MAN1B1: variants seen among roughly 807,000 people sequenced by gnomAD.
The protein encoded by MAN1B1 is mannosidase alpha class 1B member 1, also known as endoplasmic reticulum mannosyl-oligosaccharide 1,2-alpha-mannosidase.
MAN1B1 carries 66 observed loss-of-function variants against 75.5 expected under a neutral mutation model. That is an observed-to-expected ratio of 0.87 (90% CI 0.72 to 1.07). MAN1B1 has a LOEUF of 1.07. Among genes scored for constraint, MAN1B1 ranks in the 50% least tolerant of loss-of-function variants. MAN1B1 has a pLI of 0.00. For synonymous variants in MAN1B1, 453 were observed against 382.8 expected, an observed-to-expected ratio of 1.18 and a Z score of -2.14; for missense variants, 973 against 912.5, an observed-to-expected ratio of 1.07 and a Z score of -0.85.
chr9:137,100,199 G>A (rs1039865680), intron 6 of MAN1B1, among the ~76,000 whole-genome samples: 2 of 152,228 alleles, frequency 1.3e-5, no homozygotes, highest in African/African-American at 4.8e-5. Flanking sequence ...GTGGGGCCCC[G>A]CTGGTCCCAG....
chr9:137,101,270 G>T, intron 7 of MAN1B1, 117 bp downstream of exon 7: 1 of 1,375,710 alleles, frequency 7.3e-7, no homozygotes, highest in African/African-American at 1.4e-5. Context: ...ATGCACTGGA[G>T]TCTGTTTCTG....
At chr9:137,104,393 C>G (rs902414017) in intron 8 of MAN1B1, 75 of 292,844 alleles carry the variant, frequency 2.6e-4, no homozygotes, top group Non-Finnish European at 2.7e-5. Context: ...TGCCACCACG[C>G]CCAGCTAATT....
At chr9:137,098,336 G>A (rs1672242845) in intron 5 of MAN1B1, among the ~76,000 whole-genome samples, 1 of 152,228 alleles carries the variant, frequency 6.6e-6, no homozygotes, top group South Asian at 2.1e-4. Flanking sequence ...CTCAGTGCAT[G>A]ACCTGAGGCC....
intron 3 of MAN1B1, chr9:137,089,314 G>T (rs1830460780): frequency 2.3e-6 from 1 of 428,546 alleles, no homozygotes; most frequent in Non-Finnish European, 4.4e-6. Flanking sequence ...GCACAGATGG[G>T]CAGAGGCAGA....
intron 3 of MAN1B1, among the ~76,000 whole-genome samples, chr9:137,092,223 C>G (rs989000959): frequency 4.0e-5 from 6 of 151,766 alleles, no homozygotes; most frequent in African/African-American, 1.2e-4. Context: ...ATTAGCCAGG[C>G]ACGACATGCC....
chr9:137,096,186 G>C, intron 3 of MAN1B1, 51 bp from the exon 4 acceptor site: 1 of 1,606,960 alleles, frequency 6.2e-7, no homozygotes, highest in Non-Finnish European at 8.5e-7. Flanking sequence ...AGGGAAAGAA[G>C]GGCAGCTCGC....
Position 137,106,685 on chromosome 9 carries a change from A to G in MAN1B1, c.1446-4A>G, listed in dbSNP as rs371453753. On this transcript the variant is annotated splice_polypyrimidine_tract_variant and splice_region_variant and intron_variant, in intron 9 of 12. Coordinates refer to ENST00000371589, the MANE Select transcript of MAN1B1 (RefSeq NM_016219.5). ...TAGAGTGAGATGACTGCTGGTGTCC[A>G]CAGGCTGCTGGAAGACTACGTGGAA... is the stretch of plus-strand genomic sequence containing the variant. 1.2e-6 allele frequency: 2 copies of G among 1,613,370 alleles called. No homozygotes were observed. Among genetic ancestry groups the G allele is most frequent in the East Asian group, 4.5e-5 (2 of 44,872 alleles).
chr9:137,102,927 T>G (rs953173751), intron 8 of MAN1B1: 6 of 419,658 alleles, frequency 1.4e-5, no homozygotes, highest in Non-Finnish European at 2.3e-5. Flanking sequence ...TTCACGCTGT[T>G]GCAGGCATGC....
intron 8 of MAN1B1, chr9:137,101,990 C>T (rs1300048876): frequency 1.9e-5 from 9 of 483,394 alleles, no homozygotes; most frequent in East Asian, 5.3e-5. Context: ...TGCAGGAGTA[C>T]AGGTCGGTGG....
intron 10 of MAN1B1, 126 bp downstream of exon 10, chr9:137,106,935 C>T (rs1196665835): frequency 3.2e-5 from 43 of 1,346,334 alleles, no homozygotes; most frequent in Non-Finnish European, 3.8e-5. Flanking sequence ...CTGGGTGGAC[C>T]GTGGCTGCCT....
intron 3 of MAN1B1, among the ~76,000 whole-genome samples, chr9:137,095,312 G>A (rs901707165): frequency 6.6e-6 from 1 of 151,652 alleles, no homozygotes; most frequent in Admixed American, 6.6e-5. Flanking sequence ...GCCTCCCAAA[G>A]TGCTGGGATT....
At position 137,097,824 on chromosome 9, in the gene MAN1B1, G is replaced by A. The variant is rs747603982; in HGVS notation, c.621-4G>A. On this transcript the variant is annotated splice_region_variant and splice_polypyrimidine_tract_variant and intron_variant, in intron 4 of 12. Transcript: ENST00000371589. Reference sequence around the variant, plus strand: ...CAGCTGACACCCTTCCTTCTCCCCCGAAGCTGGAGGGGAGCGGTGATCGAG... The same window carrying A: ...CAGCTGACACCCTTCCTTCTCCCCCAAAGCTGGAGGGGAGCGGTGATCGAG... 1.4e-5 allele frequency: 22 copies of A among 1,549,212 alleles called. No individual in the cohort carries two copies. Among genetic ancestry groups the A allele is most frequent in the African/African-American group, 2.7e-5 (2 of 73,024 alleles).
chr9:137,089,734 C>T (rs1346960676), intron 3 of MAN1B1, among the ~76,000 whole-genome samples: 3 of 151,894 alleles, frequency 2.0e-5, no homozygotes, highest in African/African-American at 4.8e-5. Context: ...GCTGCCTGGC[C>T]GTGGGAAAAG....
rs140683991 is a variant in MAN1B1, at chr9:137,097,195, G to A, written c.621-633G>A. ...ACGCTTTACTTCCAGAGCAAAAGAGGATTTGACCTCAGCTTGTCAAAAGTG... is the reference window on the plus strand; with the variant it reads ...ACGCTTTACTTCCAGAGCAAAAGAGAATTTGACCTCAGCTTGTCAAAAGTG... On this transcript the variant is annotated intron_variant, in intron 4 of 12. Transcript: ENST00000371589. 2.4e-3 allele frequency among the ~76,000 whole-genome samples: 369 copies of A among 152,312 alleles called. 4 individuals carry two copies. The highest frequency in any genetic ancestry group is 8.9e-3 in the East Asian group (46 of 5,186).
At position 137,108,993 on chromosome 9, in the gene MAN1B1, T is replaced by G. The variant is rs1225161766; in HGVS notation, c.*402T>G. 1.1e-5 allele frequency: 5 copies of G among 461,476 alleles called. No homozygotes were observed. The highest frequency in any genetic ancestry group is 8.0e-5 in the African/African-American group (4 of 50,152). The allele number at this position is 461,476 out of a possible 1,614,324, so 28.6% of individuals were successfully genotyped here. The stretch of plus-strand genomic sequence containing the variant: ...GCCTCAGATGTCCCCAATCCAAGGG[T>G]CTGGAGGGGCTGCCGTGACTCCAGA... On this transcript the variant is annotated 3_prime_UTR_variant, in exon 13 of 13. Transcript: ENST00000371589.
At chr9:137,097,961 C>T (rs13295091) in intron 5 of MAN1B1, 24 bp downstream of exon 5, 31 of 1,524,306 alleles carry the variant, frequency 2.0e-5, no homozygotes, top group Non-Finnish European at 2.6e-5. Flanking sequence ...TGCACCCCTT[C>T]CTCCCCGGGC....
At chr9:137,107,478 G>T in intron 11 of MAN1B1, 31 bp downstream of exon 11, 1 of 1,613,272 alleles carries the variant, frequency 6.2e-7, no homozygotes, top group Non-Finnish European at 8.5e-7. Flanking sequence ...GGGTCCATCA[G>T]GAGGAGGGTG....
intron 10 of MAN1B1, 62 bp downstream of exon 10, chr9:137,106,871 G>A: frequency 1.3e-6 from 2 of 1,551,226 alleles, no homozygotes; most frequent in South Asian, 2.3e-5. Flanking sequence ...CAAGGTGCCT[G>A]AGTCATGATG....
intron 3 of MAN1B1, among the ~76,000 whole-genome samples, chr9:137,091,816 A>G (rs907443040): frequency 5.3e-5 from 8 of 151,986 alleles, no homozygotes; most frequent in East Asian, 3.9e-4. Flanking sequence ...GTGAGCCACC[A>G]CGCCCGGCCT....
Sources: allele counts gnomAD v4.1 joint callset (sites outside exome capture counted in the v4.1 genomes callset), GRCh38; gene constraint gnomAD v4.1.1; transcripts MANE v1.5; gene names NCBI Gene and HGNC (gene_info 2026-07-23, HGNC 2026-07-21).